The following NEBL variants were observed in gnomAD, a reference collection of about 807,000 sequenced individuals.
The protein encoded by NEBL is nebulette.
Under a neutral mutation model 140.2 loss-of-function variants are expected in NEBL, and 122 were observed. The ratio of observed to expected loss-of-function variants is 0.87; its 90% confidence interval spans 0.75 to 1.01. The LOEUF (loss-of-function observed/expected upper bound fraction) is 1.01, where lower values mean the gene tolerates loss of function less well. Ranked by LOEUF, NEBL falls within the 50% of genes least tolerant of loss-of-function variation. The pLI is 0.00. For missense variants in NEBL, 1,365 were observed against 1,231.3 expected (o/e 1.11, Z -1.62); for synonymous variants, 436 against 398.9 (o/e 1.09, Z -1.11).
chr10:21,226,059 A>G (rs1842142467), intron 3 of NEBL, among the ~76,000 whole-genome samples: 1 of 151,912 alleles, frequency 6.6e-6, no homozygotes, highest in Non-Finnish European at 1.5e-5. Context: ...CATGTGTCTC[A>G]CTGCTGATTA....
At chr10:20,792,958 T>C (rs1588609976) in intron 26 of NEBL, among the ~76,000 whole-genome samples, 1 of 152,160 alleles carries the variant, frequency 6.6e-6, no homozygotes, top group Non-Finnish European at 1.5e-5. Flanking sequence ...CCTATTCACA[T>C]CTGATCACAA....
intron 2 of NEBL, among the ~76,000 whole-genome samples, chr10:21,066,971 C>CTTTTTTTTTTTT (rs56352671): frequency 8.9e-6 from 1 of 112,832 alleles, no homozygotes; most frequent in Non-Finnish European, 1.7e-5. Context: ...AATAATTTAA[C>CTTTTTTTTTTTT]TTTTTTTTTT....
chr10:20,854,491 C>T (rs1265754476), intron 9 of NEBL, among the ~76,000 whole-genome samples: 2 of 151,500 alleles, frequency 1.3e-5, no homozygotes, highest in African/African-American at 2.4e-5. Flanking sequence ...TATGTTCCCC[C>T]AAACCTAACC....
chr10:20,803,160 G>A (rs1487511831), intron 26 of NEBL, among the ~76,000 whole-genome samples: 1 of 152,162 alleles, frequency 6.6e-6, no homozygotes, highest in Non-Finnish European at 1.5e-5. Context: ...GTAAATTACA[G>A]CTAGACAGGA....
At chr10:20,882,334 A>G (rs995597322) in intron 4 of NEBL, among the ~76,000 whole-genome samples, 2 of 150,566 alleles carry the variant, frequency 1.3e-5, no homozygotes, top group Non-Finnish European at 3.0e-5. Context: ...GGGAGAGGAG[A>G]GAGGAAAAGG....
intron 26 of NEBL, among the ~76,000 whole-genome samples, chr10:20,790,182 T>G (rs1242607090): frequency 6.6e-6 from 1 of 152,148 alleles, no homozygotes; most frequent in East Asian, 1.9e-4. Flanking sequence ...TTTATCTTCA[T>G]GCCTTTATTG....
At chr10:20,827,115 A>G (rs1480844621) in intron 17 of NEBL, among the ~76,000 whole-genome samples, 1 of 152,188 alleles carries the variant, frequency 6.6e-6, no homozygotes, top group East Asian at 1.9e-4. Flanking sequence ...CCAAAGCAGA[A>G]CAAAAACACA....
intron 2 of NEBL, among the ~76,000 whole-genome samples, chr10:21,101,433 T>C (rs1837472162): frequency 6.6e-6 from 1 of 152,200 alleles, no homozygotes; most frequent in Non-Finnish European, 1.5e-5. Context: ...TCACTCCTCC[T>C]TCTGCTACCC....
intron 21 of NEBL, among the ~76,000 whole-genome samples, chr10:20,817,129 C>T (rs1838795463): frequency 6.6e-6 from 1 of 152,106 alleles, no homozygotes; most frequent in Admixed American, 6.5e-5. Flanking sequence ...TCTGTAATCC[C>T]AGCACTTTGG....
chr10:21,252,827 T>C (rs1842603944), intron 1 of NEBL, among the ~76,000 whole-genome samples: 1 of 152,082 alleles, frequency 6.6e-6, no homozygotes, highest in South Asian at 2.1e-4. Context: ...TGGTGGCGCA[T>C]GCCTGTAATC....
chr10:21,287,767 CA>C lies in NEBL; in HGVS notation n.182+5062del, dbSNP rs1843077830. On this transcript the variant is annotated intron_variant and non_coding_transcript_variant, in intron 1 of 8. Transcript: ENST00000675702. Reference sequence around the variant, plus strand: ...CAAGACTGAAAATAAATCTAGAAGACAAATAACGACATTCTCTCAACAACAA... The same window carrying C: ...CAAGACTGAAAATAAATCTAGAAGACAATAACGACATTCTCTCAACAACAA... Among the ~76,000 whole-genome samples the C allele has an allele frequency of 2.0e-5, 3 of 151,882 alleles. No individual in the cohort carries two copies. The South Asian group carries it at 6.2e-4, about 32-fold the overall frequency.
chr10:21,153,815 T>G (rs1297987536), intron 2 of NEBL, among the ~76,000 whole-genome samples: 3 of 152,012 alleles, frequency 2.0e-5, no homozygotes, highest in Non-Finnish European at 2.9e-5. Context: ...TGCCCGGCCA[T>G]AAATTAAGTT....
chr10:21,288,036 A>G (rs1056288100), intron 1 of NEBL, among the ~76,000 whole-genome samples: 1 of 152,260 alleles, frequency 6.6e-6, no homozygotes, highest in African/African-American at 2.4e-5. Context: ...AATGCAATGT[A>G]TCCCCATAGG....
chr10:20,870,308 A>G (rs554770895), intron 5 of NEBL, among the ~76,000 whole-genome samples: 1 of 141,424 alleles, frequency 7.1e-6, no homozygotes, highest in Admixed American at 7.5e-5. Context: ...ACTGGGCAAA[A>G]GAGTGGGACT....
chr10:21,262,679 C>G (rs1360652355), intron 1 of NEBL, among the ~76,000 whole-genome samples: 2 of 152,068 alleles, frequency 1.3e-5, no homozygotes, highest in African/African-American at 4.8e-5. Context: ...AAGAGAAGGC[C>G]AGGCTTGTGT....
intron 3 of NEBL, among the ~76,000 whole-genome samples, chr10:21,011,389 G>A (rs771993807): frequency 1.3e-5 from 2 of 152,224 alleles, no homozygotes; most frequent in East Asian, 1.9e-4. Context: ...CGTACCACAC[G>A]GAAGTGGAAA....
chr10:21,221,602 T>G (rs1251215141), intron 3 of NEBL, among the ~76,000 whole-genome samples: 1 of 151,926 alleles, frequency 6.6e-6, no homozygotes, highest in Non-Finnish European at 1.5e-5. Context: ...CCTCCCAGGC[T>G]CAAGCGAGTC....
At chr10:20,814,146 A>G (rs1248496434) in intron 22 of NEBL, 103 bp from the exon 23 acceptor site, 1 of 777,092 alleles carries the variant, frequency 1.3e-6, no homozygotes, top group African/African-American at 1.7e-5. Flanking sequence ...ACTTGAAATT[A>G]TTTTCCAGGT....
chr10:21,284,870 C>A (rs1843036106), intron 1 of NEBL, among the ~76,000 whole-genome samples: 1 of 152,054 alleles, frequency 6.6e-6, no homozygotes, highest in African/African-American at 2.4e-5. Context: ...TTTTTTACAT[C>A]CTGTTTTTGT....
Sources: gnomAD v4.1 joint callset for allele counts (sites outside exome capture counted in the v4.1 genomes callset) on GRCh38, gnomAD v4.1.1 for gene constraint, MANE v1.5 for transcripts, NCBI Gene and HGNC (gene_info 2026-07-23, HGNC 2026-07-21) for gene names.